PTN: variants seen among roughly 807,000 people sequenced by gnomAD.
The protein encoded by PTN is heparin affin regulatory protein.
A neutral mutation model predicts 24.1 loss-of-function variants in PTN; 18 were observed. The ratio of observed to expected loss-of-function variants is 0.75; its 90% CI spans 0.52 to 1.11. PTN has a LOEUF of 1.11. Ranked by LOEUF, PTN falls within the 50% of genes least tolerant of loss-of-function variation. The pLI is 0.00. For missense variants in PTN, 163 were observed against 198.8 expected (o/e 0.82, Z 1.08); for synonymous variants, 78 against 68.6 (o/e 1.14, Z -0.67).
intron 4 of PTN, among the ~76,000 whole-genome samples, chr7:137,249,676 G>A (rs1808789353): frequency 6.6e-6 from 1 of 152,110 alleles, no homozygotes; most frequent in Non-Finnish European, 1.5e-5. Flanking sequence ...TGGTAGATAG[G>A]GCACTGATTT....
chr7:137,297,181 A>G lies in PTN; in HGVS notation c.-1-42207T>C, dbSNP rs115595262. Among the ~76,000 whole-genome samples, 590 of 152,276 alleles carry G rather than the reference A, an allele frequency of 3.9e-3. 3 individuals are homozygous for G. Among genetic ancestry groups the G allele is most frequent in the African/African-American group, 0.014 (566 of 41,572 alleles). ...AATAAGACATGTTATAAAATAGTAC[A>G]TGATCATTTTTTTTCCAAAAAATCT... is the stretch of plus-strand genomic sequence containing the variant. On this transcript the variant is annotated intron_variant, in intron 1 of 4. Transcript: ENST00000348225.
At chr7:137,276,530 G>A (rs569396960) in intron 1 of PTN, among the ~76,000 whole-genome samples, 1 of 152,266 alleles carries the variant, frequency 6.6e-6, no homozygotes, top group South Asian at 2.1e-4. Context: ...TGTGATATGG[G>A]GCACATGTAC....
rs569435835 is a variant in PTN, at chr7:137,274,269, C to G, written c.-1-19295G>C. 4.6e-5 allele frequency among the ~76,000 whole-genome samples: 7 copies of G among 152,180 alleles called. 1 individual carries two copies. In the South Asian group the frequency reaches 1.5e-3, roughly 32 times the overall value. On this transcript the variant is annotated intron_variant, in intron 1 of 4. Transcript: ENST00000348225. ...TACTCACTGACTTCCTTGTAAAAGT[C>G]CATTTGTCAAAAAAAGAAAATACAT...
intron 4 of PTN, among the ~76,000 whole-genome samples, chr7:137,242,369 A>G (rs1808645675): frequency 6.6e-6 from 1 of 152,190 alleles, no homozygotes; most frequent in Non-Finnish European, 1.5e-5. Flanking sequence ...AGGAAAATTG[A>G]ACAAGGATCT....
chr7:137,331,563 T>A (rs1431092), intron 1 of PTN, among the ~76,000 whole-genome samples: 58,299 of 151,778 alleles, frequency 0.38, 11,433 homozygotes, highest in South Asian at 0.47. Flanking sequence ...TCATTCCAAA[T>A]AATAACAGAG....
chr7:137,288,371 C>A (rs1002358598), intron 1 of PTN, among the ~76,000 whole-genome samples: 1 of 152,124 alleles, frequency 6.6e-6, no homozygotes, highest in Non-Finnish European at 1.5e-5. Context: ...AGCTCTGCCT[C>A]GTTTTCATCT....
At chr7:137,313,944 C>G (rs765751174) in intron 1 of PTN, among the ~76,000 whole-genome samples, 1 of 152,126 alleles carries the variant, frequency 6.6e-6, no homozygotes, top group Non-Finnish European at 1.5e-5. Context: ...ATTATTCAAC[C>G]TTTTTCATCA....
chr7:137,290,589 A>T (rs996256131), intron 1 of PTN, among the ~76,000 whole-genome samples: 4 of 152,180 alleles, frequency 2.6e-5, no homozygotes, highest in African/African-American at 7.2e-5. Flanking sequence ...CATTCATTAT[A>T]TCACCTGGAC....
intron 1 of PTN, among the ~76,000 whole-genome samples, chr7:137,256,052 A>G (rs1173632198): frequency 1.3e-5 from 2 of 152,244 alleles, no homozygotes; most frequent in Non-Finnish European, 2.9e-5. Context: ...TTTCATGTAT[A>G]TAAGGGGTTG....
chr7:137,279,076 C>T (rs1809422681), intron 1 of PTN, among the ~76,000 whole-genome samples: 1 of 151,326 alleles, frequency 6.6e-6, no homozygotes, highest in African/African-American at 2.4e-5. Context: ...TATGAATGAA[C>T]CTGACCTGAT....
chr7:137,311,296 G>GA (rs1394458954), intron 1 of PTN, among the ~76,000 whole-genome samples: 2 of 149,390 alleles, frequency 1.3e-5, no homozygotes, highest in African/African-American at 4.9e-5. Context: ...GCTTTGGATT[G>GA]AAAAAAAATG....
At chr7:137,327,608 CA>C (rs1810284064) in intron 1 of PTN, among the ~76,000 whole-genome samples, 1 of 152,022 alleles carries the variant, frequency 6.6e-6, no homozygotes. Context: ...CCCGCCTGGG[CA>C]ATATAGCAAG....
intron 1 of PTN, among the ~76,000 whole-genome samples, chr7:137,284,362 A>G (rs12113527): frequency 0.086 from 13,003 of 151,972 alleles, 888 homozygotes; most frequent in African/African-American, 0.19. Context: ...GTCAAAAAGG[A>G]AGAGGTCTTT....
intron 4 of PTN, among the ~76,000 whole-genome samples, chr7:137,235,958 C>G (rs1316067123): frequency 2.6e-5 from 4 of 152,094 alleles, no homozygotes; most frequent in African/African-American, 9.7e-5. Flanking sequence ...GTCCCCCCCA[C>G]TCACTTTGGG....
At chr7:137,238,076 GA>G (rs372557038) in intron 4 of PTN, among the ~76,000 whole-genome samples, 7 of 152,106 alleles carry the variant, frequency 4.6e-5, no homozygotes, top group South Asian at 4.1e-4. Flanking sequence ...TACTCCTCTA[GA>G]AAAAGTCTTT....
rs1810121286 is a variant in PTN at position 137,319,100 on chromosome 7, ACAC to A, written c.-2+24336_-2+24338del. Among the ~76,000 whole-genome samples the A allele has an allele frequency of 2.0e-5, 3 of 152,304 alleles. No individual in the cohort carries two copies. In the South Asian group the frequency reaches 6.2e-4, roughly 32 times the overall value. ...AGACCTAAGCTCTCTAGTTCAACAG[ACAC>A]CACATCGTCGCTGACTACTTGAGTT... On this transcript the variant is annotated intron_variant, in intron 1 of 4. Transcript: ENST00000348225.
chr7:137,306,390 A>G (rs1035981484), intron 1 of PTN, among the ~76,000 whole-genome samples: 1 of 152,050 alleles, frequency 6.6e-6, no homozygotes, highest in African/African-American at 2.4e-5. Context: ...GGTAGAAAGA[A>G]GGATAAAGGA....
At position 137,231,358 on chromosome 7, in the gene PTN, C is replaced by G. The variant is rs772092742; in HGVS notation, c.452-3283G>C. Among the ~76,000 whole-genome samples the G allele has an allele frequency of 1.1e-3, 167 of 151,904 alleles. 1 individual carries two copies. Among genetic ancestry groups the G allele is most frequent in the Non-Finnish European group, 2.1e-3 (143 of 67,882 alleles). On this transcript the variant is annotated intron_variant, in intron 4 of 4. Coordinates refer to ENST00000348225, the MANE Select transcript of PTN (RefSeq NM_002825.7). ...GGCCTGAGTGTTCCTTCTCCTACTACCCCAATTTGCACAGTCAGCACCTAG... is the reference window on the plus strand; with the variant it reads ...GGCCTGAGTGTTCCTTCTCCTACTAGCCCAATTTGCACAGTCAGCACCTAG...
chr7:137,298,862 A>C (rs1809760693), intron 1 of PTN, among the ~76,000 whole-genome samples: 1 of 151,970 alleles, frequency 6.6e-6, no homozygotes, highest in African/African-American at 2.4e-5. Context: ...AGGGATTCAG[A>C]GAAATTACAT....
Sources: allele counts gnomAD v4.1 joint callset (sites outside exome capture counted in the v4.1 genomes callset), GRCh38; gene constraint gnomAD v4.1.1; transcripts MANE v1.5; gene names NCBI Gene and HGNC (gene_info 2026-07-23, HGNC 2026-07-21).